OLFML2A: variants seen among roughly 807,000 people sequenced by gnomAD.
OLFML2A encodes olfactomedin like 2A.
Under a neutral mutation model 60.9 loss-of-function variants are expected in OLFML2A, and 47 were observed. That is an observed-to-expected ratio of 0.77 (90% CI 0.61 to 0.98). The LOEUF is 0.98. OLFML2A is among the 50% of genes least tolerant of loss of function. OLFML2A has a pLI of 0.00. For missense variants in OLFML2A, 922 were observed against 879.8 expected (o/e 1.05, Z -0.61); for synonymous variants, 372 against 375.0 (o/e 0.99, Z 0.09).
In OLFML2A at chr9:124,777,194, G is replaced by A; in HGVS notation, c.-77G>A. The stretch of plus-strand genomic sequence containing the variant: ...GCGCGGGGCAGGCAGAGCGGGCGAA[G>A]GCGCGGAGCTCGCAGTGCAGCCCGC... On this transcript the variant is annotated 5_prime_UTR_variant, in exon 1 of 8. Transcript: ENST00000373580. The surrounding 1 kb of genome is among the most constrained non-coding windows in gnomAD (Gnocchi z 6.2). 2.0e-6 allele frequency: 1 copy of A among 496,280 alleles called. No individual in the cohort carries two copies. The highest frequency in any genetic ancestry group is 3.1e-6 in the Non-Finnish European group (1 of 326,712). The allele number at this position is 496,280 out of a possible 1,614,324, so 30.7% of individuals were successfully genotyped here.
intron 1 of OLFML2A, among the ~76,000 whole-genome samples, chr9:124,782,035 A>G (rs1036850140): frequency 1.3e-5 from 2 of 152,220 alleles, no homozygotes; most frequent in African/African-American, 4.8e-5. Context: ...GGAGAGATGC[A>G]GGGCCAAGGC....
chr9:124,791,400 C>G (rs1421091169), intron 2 of OLFML2A, among the ~76,000 whole-genome samples: 1 of 152,060 alleles, frequency 6.6e-6, no homozygotes, highest in African/African-American at 2.4e-5. Context: ...TCTCAAGAAC[C>G]AATAGTTTTG....
At chr9:124,803,101 G>T (rs1841813429) in intron 5 of OLFML2A, among the ~76,000 whole-genome samples, 1 of 151,966 alleles carries the variant, frequency 6.6e-6, no homozygotes, top group South Asian at 2.1e-4. Context: ...TAGAGACGGG[G>T]TTTCGTCATG....
intron 2 of OLFML2A, among the ~76,000 whole-genome samples, chr9:124,794,278 C>T (rs1046419456): frequency 5.9e-5 from 9 of 152,156 alleles, no homozygotes; most frequent in Non-Finnish European, 8.8e-5. Flanking sequence ...TGCAAGAGGA[C>T]GTATACTCCC....
intron 1 of OLFML2A, among the ~76,000 whole-genome samples, chr9:124,780,815 C>T (rs1841349804): frequency 6.6e-6 from 1 of 152,212 alleles, no homozygotes; most frequent in South Asian, 2.1e-4. Context: ...GAGGCTTCAG[C>T]GGCCCTTCCC....
At chr9:124,793,314 G>A (rs1841602687) in intron 2 of OLFML2A, among the ~76,000 whole-genome samples, 1 of 152,212 alleles carries the variant, frequency 6.6e-6, no homozygotes, top group Non-Finnish European at 1.5e-5. Context: ...ATCCTGATGA[G>A]GCGTGACAGA....
chr9:124,811,205 T>TGCA lies in OLFML2A; in HGVS notation c.*802_*804dup, dbSNP rs541199699. ...CTTCATCAGTGCCGTCATTTGTTTC[T>TGCA]GCAGCAGCAGCTGAGAAGGCAGCCG... On this transcript the variant is annotated 3_prime_UTR_variant, in exon 8 of 8. Transcript: ENST00000373580. 3.9e-3 allele frequency: 602 copies of TGCA among 152,850 alleles called. 6 individuals are homozygous for TGCA. The highest frequency in any genetic ancestry group is 0.014 in the African/African-American group (567 of 41,584). 9.5% of individuals were successfully genotyped at this position (152,850 alleles called of 1,614,324 possible). A position where few individuals can be genotyped will look rare whatever the true frequency, so the allele number is the denominator to read the frequency against.
rs756688960 is a variant in OLFML2A at position 124,807,950 on chromosome 9, G to A, written c.1338G>A (p.Leu446=). The A allele has an allele frequency of 1.9e-5, 30 of 1,613,914 alleles. 1 individual carries two copies. The highest frequency in any genetic ancestry group is 8.0e-5 in the African/African-American group (6 of 74,942). The part of the protein sequence containing the change: ...YGNSLVEFRN[L]ENFKQGRWSN... Reference sequence around the variant, plus strand: ...ACAGCCTGGTGGAGTTCCGCAACCTGGAAAACTTCAAGCAAGGTCAGGGAC... The same window carrying A: ...ACAGCCTGGTGGAGTTCCGCAACCTAGAAAACTTCAAGCAAGGTCAGGGAC... Residue 446 remains leucine (L), a synonymous_variant, in exon 7 of 8, where the codon CTG becomes CTA. Transcript: ENST00000373580.
intron 3 of OLFML2A, 127 bp downstream of exon 3, chr9:124,795,258 G>T: frequency 1.7e-6 from 1 of 584,188 alleles, no homozygotes; most frequent in Non-Finnish European, 3.2e-6. Context: ...CCAGCCAGGA[G>T]CTGGGGGAGG....
Position 124,810,548 on chromosome 9 carries a change from G to C in OLFML2A, c.*136G>C. 1.2e-6 allele frequency: 1 copy of C among 862,822 alleles called. No homozygotes were observed. Among genetic ancestry groups the C allele is most frequent in the African/African-American group, 1.7e-5 (1 of 58,458 alleles). The allele number at this position is 862,822 out of a possible 1,614,324, so 53.4% of individuals were successfully genotyped here. A position where few individuals can be genotyped will look rare whatever the true frequency, so the allele number is the denominator to read the frequency against. On this transcript the variant is annotated 3_prime_UTR_variant, in exon 8 of 8. Coordinates refer to ENST00000373580, the MANE Select transcript of OLFML2A (RefSeq NM_182487.4). Reference sequence around the variant, plus strand: ...GGGACTGGGCATGAGGTGGTCACCAGGATTGAGCTTCCTCAGCACCCAGTG... The same window carrying C: ...GGGACTGGGCATGAGGTGGTCACCACGATTGAGCTTCCTCAGCACCCAGTG...
chr9:124,790,330 C>T (rs1030511497), intron 2 of OLFML2A, among the ~76,000 whole-genome samples: 42 of 152,028 alleles, frequency 2.8e-4, no homozygotes, highest in Admixed American at 2.5e-3. Flanking sequence ...CCACCATGCC[C>T]GGCTCATTTT....
intron 1 of OLFML2A, 131 bp from the exon 2 acceptor site, chr9:124,786,844 C>T (rs1269901798): frequency 5.0e-6 from 4 of 800,374 alleles, no homozygotes; most frequent in Non-Finnish European, 8.1e-6. Context: ...CTAATTGCAC[C>T]CCCTCCTACC....
At chr9:124,783,749 G>T (rs1841404735) in intron 1 of OLFML2A, among the ~76,000 whole-genome samples, 1 of 152,206 alleles carries the variant, frequency 6.6e-6, no homozygotes, top group Admixed American at 6.5e-5. Flanking sequence ...GGCCAGGCAA[G>T]CACTGTTATG....
chr9:124,806,338 A>G (rs558311617), intron 6 of OLFML2A, among the ~76,000 whole-genome samples: 29 of 152,290 alleles, frequency 1.9e-4, no homozygotes, highest in Admixed American at 7.8e-4. Context: ...TGATATGTGT[A>G]CACACAGTGA....
chr9:124,795,179 G>A (rs1588883790), intron 3 of OLFML2A, 48 bp downstream of exon 3: 3 of 1,203,116 alleles, frequency 2.5e-6, no homozygotes, highest in South Asian at 2.6e-5. Context: ...GGTGCTGGGG[G>A]CCAAGGGCAC....
At chr9:124,804,045 C>A (rs750915215) in intron 5 of OLFML2A, 49 bp from the exon 6 acceptor site, 1 of 1,594,708 alleles carries the variant, frequency 6.3e-7, no homozygotes, top group Admixed American at 1.7e-5. Context: ...GAGACCCACA[C>A]GGCAGCAGGT....
chr9:124,791,731 C>G (rs1389074397), intron 2 of OLFML2A, among the ~76,000 whole-genome samples: 3 of 105,764 alleles, frequency 2.8e-5, no homozygotes, highest in African/African-American at 1.2e-4. Flanking sequence ...GAGCGAGACT[C>G]TGTCTCAAAA....
intron 6 of OLFML2A, 83 bp from the exon 7 acceptor site, chr9:124,807,698 C>G: frequency 9.0e-7 from 1 of 1,105,752 alleles, no homozygotes; most frequent in Non-Finnish European, 1.3e-6. Context: ...TTAAGTTAGA[C>G]CCAGATAACA....
intron 6 of OLFML2A, among the ~76,000 whole-genome samples, chr9:124,807,575 G>T (rs1409534275): frequency 3.3e-5 from 5 of 152,176 alleles, no homozygotes; most frequent in African/African-American, 1.2e-4. Context: ...CAGCCATTGC[G>T]CCTGGCCTCC....
Sources: gnomAD v4.1 joint callset for allele counts (sites outside exome capture counted in the v4.1 genomes callset) on GRCh38, gnomAD v4.1.1 for gene constraint, Gnocchi (gnomAD v3.1) non-coding constraint, MANE v1.5 for transcripts, NCBI Gene and HGNC (gene_info 2026-07-23, HGNC 2026-07-21) for gene names.